The following PHKB variants were observed in gnomAD, a reference collection of about 807,000 sequenced individuals.
PHKB encodes the protein phosphorylase kinase regulatory subunit beta.
PHKB carries 122 observed loss-of-function variants against 152.1 expected under a neutral mutation model. That is an observed-to-expected ratio of 0.80 (90% CI 0.69 to 0.93). The LOEUF (loss-of-function observed/expected upper bound fraction) is 0.93. PHKB is among the 40% of genes least tolerant of loss of function. The probability of loss-of-function intolerance (pLI) is 0.00; values close to 1 mark genes in which losing one functional copy is unlikely to be tolerated. For synonymous variants in PHKB, 436 were observed against 464.9 expected (o/e 0.94, Z 0.80); for missense variants, 1,304 against 1,328.4 (o/e 0.98, Z 0.29).
chr16:47,493,459 G>A (rs1441714869), intron 1 of PHKB, among the ~76,000 whole-genome samples: 5 of 152,136 alleles, frequency 3.3e-5, no homozygotes, highest in African/African-American at 1.2e-4. Flanking sequence ...ACTAGTTGAG[G>A]TATTTTAAAA....
In PHKB at chr16:47,511,780, G is replaced by A. The variant is rs760584058; in HGVS notation, c.513+8G>A. ...GAATATGGTCATCTTCAGGTAAAAA[G>A]AGATTATACATTTTATTCTCCTTAT... is the stretch of plus-strand genomic sequence containing the variant. On this transcript the variant is annotated splice_region_variant and intron_variant, in intron 5 of 30. Coordinates refer to ENST00000323584, the MANE Select transcript of PHKB (RefSeq NM_000293.3). 6.8e-7 allele frequency: 1 copy of A among 1,464,900 alleles called. No homozygotes were observed. The highest frequency in any genetic ancestry group is 9.6e-7 in the Non-Finnish European group (1 of 1,043,736). 90.7% of individuals were successfully genotyped at this position (1,464,900 alleles called of 1,614,324 possible).
chr16:47,524,080 A>G (rs1335754563), intron 6 of PHKB, among the ~76,000 whole-genome samples: 4 of 152,004 alleles, frequency 2.6e-5, no homozygotes, highest in African/African-American at 9.7e-5. Flanking sequence ...GGTTTCAGCC[A>G]TTTTTCTTGA....
rs541069548 is a variant in PHKB at position 47,470,230 on chromosome 16, A to G, written c.76+8804A>G. Among the ~76,000 whole-genome samples the G allele has an allele frequency of 1.8e-4, 27 of 152,364 alleles. No individual in the cohort carries two copies. In the East Asian group the frequency reaches 3.5e-3, roughly 20 times the overall value. ...TTTACCCACGTATTTATTCACAGCA[A>G]GCCAGTCATTAGCATTGTTTCTGTA... On this transcript the variant is annotated intron_variant, in intron 1 of 30. Coordinates refer to ENST00000323584, the MANE Select transcript of PHKB (RefSeq NM_000293.3).
chr16:47,541,217 A>G (rs1367005747), intron 6 of PHKB, among the ~76,000 whole-genome samples: 9 of 152,004 alleles, frequency 5.9e-5, no homozygotes, highest in East Asian at 3.9e-4. Context: ...TCATTGTTCA[A>G]TTCGCACCTA....
chr16:47,518,539 A>G (rs1970634783), intron 6 of PHKB, among the ~76,000 whole-genome samples: 2 of 152,240 alleles, frequency 1.3e-5, no homozygotes, highest in African/African-American at 4.8e-5. Flanking sequence ...TTCTAAGGGC[A>G]GGCACAGTAA....
Position 47,599,006 on chromosome 16 carries a change from C to T in PHKB, c.1363+2475C>T, listed in dbSNP as rs536171667. ...GTCTTCTTCAGCACACCCTCCCTGA[C>T]AGCGCCAACGATTCGATCAACACAT... On this transcript the variant is annotated intron_variant, in intron 13 of 30. Transcript: ENST00000323584. 26 of 871,300 alleles carry T rather than the reference C, an allele frequency of 3.0e-5. 1 individual carries two copies. In the South Asian group the frequency reaches 3.8e-4, roughly 13 times the overall value. The allele number at this position is 871,300 out of a possible 1,614,324, so 54.0% of individuals were successfully genotyped here.
intron 6 of PHKB, among the ~76,000 whole-genome samples, chr16:47,517,873 G>A (rs1265132009): frequency 1.3e-5 from 2 of 152,122 alleles, no homozygotes; most frequent in South Asian, 2.1e-4. Context: ...AAAAATCCTA[G>A]AGTAATAAAA....
At chr16:47,467,109 G>A (rs1334259401) in intron 1 of PHKB, among the ~76,000 whole-genome samples, 1 of 152,172 alleles carries the variant, frequency 6.6e-6, no homozygotes, top group Non-Finnish European at 1.5e-5. Flanking sequence ...TTTAGTAACT[G>A]CGCAATAAAT....
intron 13 of PHKB, chr16:47,598,845 A>T (rs1972169362): frequency 6.2e-7 from 1 of 1,606,242 alleles, no homozygotes; most frequent in African/African-American, 1.3e-5. Context: ...CCAGCTTCTC[A>T]TTTGTAATCT....
chr16:47,554,261 T>C (rs1971326082), intron 7 of PHKB, among the ~76,000 whole-genome samples: 1 of 152,212 alleles, frequency 6.6e-6, no homozygotes, highest in South Asian at 2.1e-4. Context: ...GCAGCTTTGC[T>C]GAGCTGTGGT....
chr16:47,503,271 G>A (rs1453640498), intron 4 of PHKB, among the ~76,000 whole-genome samples, 181 bp downstream of exon 4: 1 of 152,214 alleles, frequency 6.6e-6, no homozygotes, highest in Non-Finnish European at 1.5e-5. Flanking sequence ...TCCTGAGATT[G>A]AAGGAACACC....
At chr16:47,665,849 G>A in intron 25 of PHKB, 1 of 847,306 alleles carries the variant, frequency 1.2e-6, no homozygotes, top group Non-Finnish European at 2.1e-6. Context: ...GGATTCCACT[G>A]TGTATATTTT....
At chr16:47,539,978 TCTGA>T (rs1378026398) in intron 6 of PHKB, among the ~76,000 whole-genome samples, 1 of 152,170 alleles carries the variant, frequency 6.6e-6, no homozygotes, top group Admixed American at 6.5e-5. Context: ...ACCCATAAGG[TCTGA>T]CTGTCTGCAG....
intron 1 of PHKB, among the ~76,000 whole-genome samples, chr16:47,470,824 C>G (rs1194398891): frequency 6.6e-6 from 1 of 152,160 alleles, no homozygotes; most frequent in East Asian, 1.9e-4. Flanking sequence ...TTGGACCTCT[C>G]TGATGTAGGA....
At position 47,511,757 on chromosome 16, in the gene PHKB, A is replaced by C; in HGVS notation, c.498A>C (p.Glu166Asp). 1 of 1,577,430 alleles carries C rather than the reference A, an allele frequency of 6.3e-7. No homozygotes were observed. The highest frequency in any genetic ancestry group is 8.7e-7 in the Non-Finnish European group (1 of 1,146,508). Residue 166 changes from glutamate to aspartate, a missense_variant, in exon 5 of 31, where the codon GAA becomes GAC. Coordinates refer to ENST00000323584, the MANE Select transcript of PHKB (RefSeq NM_000293.3). ...GAGATGAGTTGCTTTCCTATGAGGA[A>C]TATGGTCATCTTCAGGTAAAAAGAG... ...HTGDELLSYEEYGHLQINAVS... is the reference protein window; with the variant it reads ...HTGDELLSYEDYGHLQINAVS...
chr16:47,626,466 C>G (rs960460160), intron 14 of PHKB, among the ~76,000 whole-genome samples: 1 of 152,220 alleles, frequency 6.6e-6, no homozygotes. Context: ...TCCAAGGCCT[C>G]TCTTCTTAGG....
chr16:47,673,434 A>G (rs1353943557), intron 26 of PHKB, among the ~76,000 whole-genome samples: 2 of 152,184 alleles, frequency 1.3e-5, no homozygotes, highest in South Asian at 2.1e-4. Flanking sequence ...TAAGTATAAA[A>G]GAAGATTTAA....
At chr16:47,486,970 GAGAAGAATCTGAAGTTGGAAATT>G (rs1191449695) in intron 1 of PHKB, among the ~76,000 whole-genome samples, 3 of 152,302 alleles carry the variant, frequency 2.0e-5, no homozygotes, top group Admixed American at 6.5e-5. Context: ...GCTAAGGCAG[GAGAAGAATCTGAAGTTGGAAATT>G]AGAACTGGTG....
intron 25 of PHKB, 192 bp downstream of exon 25, chr16:47,665,167 G>A (rs1471085596): frequency 7.0e-6 from 4 of 574,438 alleles, no homozygotes; most frequent in South Asian, 6.1e-5. Context: ...TGAAATTAAG[G>A]AATATAAATG....
Sources: gnomAD v4.1 joint callset for allele counts (sites outside exome capture counted in the v4.1 genomes callset) on GRCh38, gnomAD v4.1.1 for gene constraint, MANE v1.5 for transcripts, NCBI Gene and HGNC (gene_info 2026-07-23, HGNC 2026-07-21) for gene names.